Variants in RSRC1 observed in about 807,000 individuals in gnomAD.
RSRC1 encodes the protein serine/Arginine-related protein 53.
In RSRC1, 39 loss-of-function variants were observed where a neutral mutation model predicts 49.1. That is an observed-to-expected ratio of 0.79 (90% CI 0.61 to 1.04). The LOEUF is 1.04. Among genes scored for constraint, RSRC1 ranks in the 50% least tolerant of loss-of-function variants. The pLI is 0.00. For missense variants in RSRC1, 388 were observed against 402.4 expected (o/e 0.96, Z 0.31); for synonymous variants, 143 against 130.8 (o/e 1.09, Z -0.63).
In RSRC1 at chr3:158,154,381, G is replaced by A. The variant is rs143091279; in HGVS notation, c.320+30390G>A. Among the ~76,000 whole-genome samples, 189 of 152,004 alleles carry A rather than the reference G, an allele frequency of 1.2e-3. 2 individuals are homozygous for A. The highest frequency in any genetic ancestry group is 3.5e-3 in the African/African-American group (146 of 41,458). ...CAATTTAAAATAAGACAACAATAAA[G>A]TTTGCTACATTGATTGACCCTTTTT... is the stretch of plus-strand genomic sequence containing the variant. On this transcript the variant is annotated intron_variant, in intron 3 of 9. Transcript: ENST00000611884.
intron 3 of RSRC1, among the ~76,000 whole-genome samples, chr3:158,143,637 A>G (rs1451348693): frequency 6.6e-6 from 1 of 152,226 alleles, no homozygotes; most frequent in Non-Finnish European, 1.5e-5. Context: ...TGTTACTAAC[A>G]TAGTATTCTC....
intron 7 of RSRC1, chr3:158,496,682 C>T (rs6795376): frequency 0.51 from 100,653 of 198,126 alleles, 26,282 homozygotes; most frequent in African/African-American, 0.63. Context: ...TCCAAGCCCA[C>T]CTTTACATGT....
chr3:158,490,074 T>G (rs1442205852), intron 7 of RSRC1, among the ~76,000 whole-genome samples: 1 of 152,114 alleles, frequency 6.6e-6, no homozygotes, highest in Non-Finnish European at 1.5e-5. Flanking sequence ...TTTACTACCT[T>G]CAATTGTTTT....
intron 6 of RSRC1, among the ~76,000 whole-genome samples, chr3:158,412,808 C>T (rs1010574791): frequency 1.5e-4 from 23 of 151,956 alleles, no homozygotes; most frequent in African/African-American, 4.6e-4. Flanking sequence ...TAAAAAGTTT[C>T]GCTCTGATTT....
At chr3:158,177,616 G>A (rs1356706537) in intron 3 of RSRC1, among the ~76,000 whole-genome samples, 1 of 151,792 alleles carries the variant, frequency 6.6e-6, no homozygotes, top group African/African-American at 2.4e-5. Context: ...ACGGGGGCGG[G>A]GGAACATCAC....
chr3:158,239,118 C>G (rs544314775), intron 4 of RSRC1, among the ~76,000 whole-genome samples: 10 of 152,162 alleles, frequency 6.6e-5, no homozygotes, highest in African/African-American at 2.4e-4. Flanking sequence ...AAATGCTCAT[C>G]ATCACTGGTC....
At chr3:158,419,725 T>C (rs1465558704) in intron 6 of RSRC1, among the ~76,000 whole-genome samples, 1 of 151,742 alleles carries the variant, frequency 6.6e-6, no homozygotes, top group Non-Finnish European at 1.5e-5. Context: ...CACATAACAC[T>C]TTATTGTAGT....
intron 5 of RSRC1, among the ~76,000 whole-genome samples, chr3:158,313,902 T>C (rs1257131902): frequency 6.6e-6 from 1 of 152,238 alleles, no homozygotes; most frequent in Non-Finnish European, 1.5e-5. Context: ...GTGATTTAGA[T>C]AGCATTTTAT....
chr3:158,274,348 T>C (rs1392794004), intron 4 of RSRC1, among the ~76,000 whole-genome samples: 2 of 150,076 alleles, frequency 1.3e-5, no homozygotes, highest in Non-Finnish European at 3.0e-5. Flanking sequence ...GAATGTTTCT[T>C]TCTGATTTTG....
At chr3:158,519,002 G>A (rs1234278415) in intron 7 of RSRC1, among the ~76,000 whole-genome samples, 1 of 152,028 alleles carries the variant, frequency 6.6e-6, no homozygotes, top group Non-Finnish European at 1.5e-5. Context: ...CCGAACTCCA[G>A]ACTTGAAGAC....
At chr3:158,405,055 A>C (rs1734088608) in intron 6 of RSRC1, among the ~76,000 whole-genome samples, 1 of 152,044 alleles carries the variant, frequency 6.6e-6, no homozygotes, top group Non-Finnish European at 1.5e-5. Flanking sequence ...CTGAACTTAA[A>C]GCTTATTCTG....
chr3:158,420,332 T>G (rs937967200), intron 6 of RSRC1, among the ~76,000 whole-genome samples: 1 of 151,918 alleles, frequency 6.6e-6, no homozygotes, highest in African/African-American at 2.4e-5. Flanking sequence ...CATGAAAAGA[T>G]TTACAGTGGC....
intron 4 of RSRC1, among the ~76,000 whole-genome samples, chr3:158,242,419 A>G (rs1046783835): frequency 1.3e-5 from 2 of 152,160 alleles, no homozygotes; most frequent in Non-Finnish European, 2.9e-5. Context: ...TCCACGGTGT[A>G]TATCAACCAC....
chr3:158,337,133 T>C (rs1008152003), intron 5 of RSRC1, among the ~76,000 whole-genome samples: 2 of 152,210 alleles, frequency 1.3e-5, no homozygotes, highest in Non-Finnish European at 2.9e-5. Context: ...ACAGGTCCTC[T>C]GCCATGTGAG....
chr3:158,517,858 C>T (rs1740661780), intron 7 of RSRC1, among the ~76,000 whole-genome samples: 1 of 139,848 alleles, frequency 7.2e-6, no homozygotes, highest in South Asian at 2.2e-4. Flanking sequence ...CCTGCCTCTG[C>T]TTCGCAAAGT....
At chr3:158,198,820 A>C (rs1720835089) in intron 3 of RSRC1, among the ~76,000 whole-genome samples, 1 of 152,156 alleles carries the variant, frequency 6.6e-6, no homozygotes, top group Admixed American at 6.6e-5. Flanking sequence ...CCCCGCAAGA[A>C]ATTTCTTAAT....
At chr3:158,208,997 T>C (rs781345486) in intron 4 of RSRC1, among the ~76,000 whole-genome samples, 9 of 152,184 alleles carry the variant, frequency 5.9e-5, no homozygotes, top group Non-Finnish European at 1.2e-4. Context: ...AAATTAGTTG[T>C]GAACAAATAT....
At chr3:158,493,395 G>C (rs1311232441) in intron 7 of RSRC1, among the ~76,000 whole-genome samples, 1 of 152,124 alleles carries the variant, frequency 6.6e-6, no homozygotes, top group Non-Finnish European at 1.5e-5. Flanking sequence ...AGACTGGGTA[G>C]AGAATATTTA....
At chr3:158,383,197 C>T (rs1247909938) in intron 6 of RSRC1, among the ~76,000 whole-genome samples, 1 of 152,170 alleles carries the variant, frequency 6.6e-6, no homozygotes, top group Non-Finnish European at 1.5e-5. Context: ...ATCCCAAACT[C>T]TGCTTAATGC....
Sources: allele counts gnomAD v4.1 joint callset (sites outside exome capture counted in the v4.1 genomes callset), GRCh38; gene constraint gnomAD v4.1.1; transcripts MANE v1.5; gene names NCBI Gene and HGNC (gene_info 2026-07-23, HGNC 2026-07-21).